The following DACT1 variants were observed in gnomAD, a reference collection of about 807,000 sequenced individuals.
The protein encoded by DACT1 is dapper homolog 1.
In DACT1, 19 loss-of-function variants were observed where a neutral mutation model predicts 35.3. The ratio of observed to expected loss-of-function variants is 0.54; its 90% CI spans 0.38 to 0.79. The LOEUF is 0.79. Ranked by LOEUF, DACT1 falls within the 30% of genes least tolerant of loss-of-function variation. DACT1 has a pLI of 0.00. For missense variants in DACT1, 1,143 were observed against 1,057.5 expected (o/e 1.08, Z -1.12); for synonymous variants, 545 against 466.7 (o/e 1.17, Z -2.16).
At chr14:58,639,299 C>CA (rs1491558481) in intron 1 of DACT1, 19 of 978,564 alleles carry the variant, frequency 1.9e-5, no homozygotes, top group Non-Finnish European at 2.3e-5. Context: ...GTCAGTGTCT[C>CA]AGTCTTTCTA....
Position 58,646,149 on chromosome 14 carries a change from T to C in DACT1, c.1415T>C (p.Met472Thr). 1.9e-6 allele frequency: 3 copies of C among 1,613,612 alleles called. No homozygotes were observed. Among genetic ancestry groups the C allele is most frequent in the Non-Finnish European group, 2.5e-6 (3 of 1,179,860 alleles). ...AAAGTTGTACAGCCCCTGAAAAAGA[T>C]GTCACAGAAAAACAGCCTGCAGGGC... ...ENKVVQPLKKMSQKNSLQGVP... is the reference protein window; with the variant it reads ...ENKVVQPLKKTSQKNSLQGVP... The change falls in exon 4 of 4, where the codon ATG becomes ACG. Residue 472 changes from methionine (M) to threonine (T), a missense_variant. By Grantham distance (81) the Met-to-Thr change is moderately conservative (BLOSUM62 -1). This residue lies in a region of DACT1 where 1,054 missense variants were observed against 958.8 expected (regional missense o/e 1.10). Transcript: ENST00000395153.
chr14:58,646,567 C>CG lies in DACT1; in HGVS notation c.1838dup (p.His614ProfsTer20), dbSNP rs1188519786. The stretch of plus-strand genomic sequence containing the variant: ...CTGGTGTTCCCGGCAGGCCCGCGGG[C>CG]GGGGGCCACAGGGCGGGGAGCAGGG... On this transcript the variant is annotated frameshift_variant, in exon 4 of 4. Transcript: ENST00000395153. LOFTEE classifies it high-confidence loss of function. 6.4e-7 allele frequency: 1 copy of CG among 1,561,918 alleles called. No individual in the cohort carries two copies. The highest frequency in any genetic ancestry group is 2.0e-5 in the Admixed American group (1 of 50,574).
chr14:58,645,038 AT>A (rs1566509040), intron 3 of DACT1, among the ~76,000 whole-genome samples: 2 of 152,108 alleles, frequency 1.3e-5, no homozygotes, highest in African/African-American at 4.8e-5. Context: ...TAATGGCTGA[AT>A]TTTTTTCCTT....
Position 58,646,844 on chromosome 14 carries a change from A to G in DACT1, c.2110A>G (p.Thr704Ala), listed in dbSNP as rs761412370. Reference sequence around the variant, plus strand: ...CCTGTTCCACTCCACCGTGGTGGACACCAGTGAGGACGAGCAGAGCAATTA... The same window carrying G: ...CCTGTTCCACTCCACCGTGGTGGACGCCAGTGAGGACGAGCAGAGCAATTA... ...ESLFHSTVVD[T>A]SEDEQSNYTT... The change falls in exon 4 of 4, where the codon ACC (threonine) becomes GCC (alanine). Residue 704 changes from threonine to alanine, a missense_variant. By Grantham distance (58) the Thr-to-Ala change is moderately conservative. This residue lies in a region of DACT1 where 1,054 missense variants were observed against 958.8 expected (regional missense o/e 1.10). Transcript: ENST00000395153. The G allele has an allele frequency of 1.2e-6, 2 of 1,614,032 alleles. No homozygotes were observed. Among genetic ancestry groups the G allele is most frequent in the East Asian group, 2.2e-5 (1 of 44,868 alleles).
upstream of DACT1, among the ~76,000 whole-genome samples, chr14:58,637,335 A>C (rs1314299673): frequency 6.6e-6 from 1 of 152,260 alleles, no homozygotes; most frequent in Non-Finnish European, 1.5e-5. Context: ...CGTCCATCGT[A>C]AGACCGACGT....
At position 58,645,799 on chromosome 14, in the gene DACT1, T is replaced by G. The variant is rs2140218664; in HGVS notation, c.1065T>G (p.Leu355=). The change falls in exon 4 of 4, where the codon CTT becomes CTG. Residue 355 remains leucine, a synonymous_variant. Coordinates refer to ENST00000395153, the MANE Select transcript of DACT1 (RefSeq NM_001079520.2). ...TCTCACAGGGCAACAGTGTGAACCT[T>G]AAGAATTCGAAACAGGCGTGTCTGC... ...GGVSQGNSVN[L]KNSKQACLPS... The G allele has an allele frequency of 6.2e-7, 1 of 1,614,208 alleles. No individual in the cohort carries two copies. Among genetic ancestry groups the G allele is most frequent in the Non-Finnish European group, 8.5e-7 (1 of 1,180,034 alleles).
chr14:58,634,124 T>G (rs997788670), upstream of DACT1: 1 of 152,254 alleles, frequency 6.6e-6, no homozygotes, highest in African/African-American at 2.4e-5. Context: ...CCAAACTTCA[T>G]GGAATCACCC....
upstream of DACT1, among the ~76,000 whole-genome samples, chr14:58,637,878 C>G (rs1435501940): frequency 2.6e-5 from 4 of 151,066 alleles, no homozygotes; most frequent in African/African-American, 7.3e-5. Flanking sequence ...GCGCAAGCGT[C>G]GCAGCCGAGG....
rs1449306209 is a variant in DACT1, at chr14:58,638,282, C to A, written c.80C>A (p.Pro27His). 7.4e-7 allele frequency: 1 copy of A among 1,352,092 alleles called. No homozygotes were observed. The highest frequency in any genetic ancestry group is 1.8e-5 in the South Asian group (1 of 55,634). The allele number at this position is 1,352,092 out of a possible 1,614,324, so 83.8% of individuals were successfully genotyped here. A position where few individuals can be genotyped will look rare whatever the true frequency, so the allele number is the denominator to read the frequency against. ...PARGEQRTAE[P>H]EGRWREKGEA... ...CGAGGCGAGCAGCGCACGGCGGAGC[C>A]CGAGGGGCGCTGGCGGGAGAAGGGC... is the stretch of plus-strand genomic sequence containing the variant. The change falls in exon 1 of 4, where the codon CCC (proline) becomes CAC (histidine). Residue 27 changes from proline to histidine, a missense_variant. This residue lies in a region of DACT1 where 85 missense variants were observed against 81.8 expected (regional missense o/e 1.04). Transcript: ENST00000395153.
chr14:58,645,317 G>A, intron 3 of DACT1, 52 bp from the exon 4 acceptor site: 1 of 1,614,216 alleles, frequency 6.2e-7, no homozygotes, highest in Non-Finnish European at 8.5e-7. Flanking sequence ...CTCAGGGGCA[G>A]TTTGCCGTTC....
intron 1 of DACT1, chr14:58,639,041 G>A: frequency 1.0e-6 from 1 of 985,382 alleles, no homozygotes. Context: ...TTACACTGGA[G>A]CGCCTGTAGG....
Position 58,638,284 on chromosome 14 carries a change from G to C in DACT1, c.82G>C (p.Glu28Gln), listed in dbSNP as rs1224080029. ...AGGCGAGCAGCGCACGGCGGAGCCC[G>C]AGGGGCGCTGGCGGGAGAAGGGCGA... ...ARGEQRTAEP[E>Q]GRWREKGEAD... Residue 28 changes from glutamate to glutamine, a missense_variant, in exon 1 of 4, where the codon GAG becomes CAG. By Grantham distance (29) the Glu-to-Gln change is conservative. Around this residue, in one of 3 missense-constraint regions of DACT1, gnomAD observed 85 missense variants for 81.8 expected, o/e 1.04. Transcript: ENST00000395153. The C allele has an allele frequency of 7.4e-7, 1 of 1,351,206 alleles. No individual in the cohort carries two copies. The highest frequency in any genetic ancestry group is 9.5e-7 in the Non-Finnish European group (1 of 1,055,222). 83.7% of individuals were successfully genotyped at this position (1,351,206 alleles called of 1,614,324 possible).
At position 58,646,721 on chromosome 14, in the gene DACT1, G is replaced by A. The variant is rs568985254; in HGVS notation, c.1987G>A (p.Glu663Lys). ...GAGGAGGGCCCGGCGCGGTCGCCGG[G>A]AGAATGTGGGGCTGTACCCCGCGCC... ...ALRRARRGRR[E>K]NVGLYPAPVP... is the part of the protein sequence containing the mutation. The change falls in exon 4 of 4, where the codon GAG becomes AAG. Residue 663 changes from glutamate (E) to lysine (K), a missense_variant. Around this residue, in one of 3 missense-constraint regions of DACT1, gnomAD observed 1,054 missense variants for 958.8 expected, o/e 1.10. Coordinates refer to ENST00000395153, the MANE Select transcript of DACT1 (RefSeq NM_001079520.2). The A allele has an allele frequency of 1.2e-6, 2 of 1,613,562 alleles. No homozygotes were observed. The highest frequency in any genetic ancestry group is 2.7e-5 in the African/African-American group (2 of 75,034).
chr14:58,636,872 G>A (rs147734239), upstream of DACT1, among the ~76,000 whole-genome samples: 44 of 152,002 alleles, frequency 2.9e-4, no homozygotes, highest in African/African-American at 1.0e-3. Context: ...CTGGAGTAGT[G>A]TGTTCCAAGC....
chr14:58,645,055 G>C (rs1266579947), intron 3 of DACT1, among the ~76,000 whole-genome samples: 1 of 152,106 alleles, frequency 6.6e-6, no homozygotes, highest in South Asian at 2.1e-4. Flanking sequence ...TCCTTCAGAG[G>C]ATATATCATA....
chr14:58,640,677 C>A, intron 1 of DACT1, 59 bp from the exon 2 acceptor site: 1 of 1,599,508 alleles, frequency 6.3e-7, no homozygotes, highest in South Asian at 1.1e-5. Flanking sequence ...TTAGAGTAGA[C>A]TTTCTGGTTC....
chr14:58,636,088 T>C (rs1005530969), upstream of DACT1, among the ~76,000 whole-genome samples: 4 of 152,234 alleles, frequency 2.6e-5, no homozygotes, highest in African/African-American at 9.6e-5. Context: ...TTTGTATGCT[T>C]ATGAACACCT....
intron 3 of DACT1, 171 bp from the exon 4 acceptor site, chr14:58,645,198 A>C: frequency 2.1e-6 from 3 of 1,399,534 alleles, no homozygotes; most frequent in Non-Finnish European, 3.0e-6. Flanking sequence ...AATTGGCCAA[A>C]GAGTCAAGCT....
chr14:58,638,774 C>A, intron 1 of DACT1: 1 of 1,196,840 alleles, frequency 8.4e-7, no homozygotes, highest in Non-Finnish European at 1.0e-6. Flanking sequence ...GTCTGGCGAC[C>A]TCGCGCGGAT....
Sources: allele counts gnomAD v4.1 joint callset (sites outside exome capture counted in the v4.1 genomes callset), GRCh38; gene constraint gnomAD v4.1.1; regional missense constraint gnomAD v4.1.1; transcripts MANE v1.5; gene names NCBI Gene and HGNC (gene_info 2026-07-23, HGNC 2026-07-21).